MYO9A: variants seen among roughly 807,000 people sequenced by gnomAD.
MYO9A encodes the protein myosin IXA.
In MYO9A, 103 loss-of-function variants were observed where a neutral mutation model predicts 293.3. That is an observed-to-expected ratio of 0.35 (90% CI 0.30 to 0.41). The LOEUF (loss-of-function observed/expected upper bound fraction) is 0.41, where lower values mean the gene tolerates loss of function less well. MYO9A is among the 10% of genes least tolerant of loss of function. The pLI, the probability that MYO9A is intolerant of heterozygous loss-of-function variation, is 1.00. For missense variants in MYO9A, 2,685 were observed against 3,033.0 expected (o/e 0.89, Z 2.69); for synonymous variants, 1,001 against 1,035.7 (o/e 0.97, Z 0.64).
intron 2 of MYO9A, among the ~76,000 whole-genome samples, chr15:72,037,836 A>T (rs2078103307): frequency 6.6e-6 from 1 of 152,162 alleles, no homozygotes. Context: ...GGCATGGGAA[A>T]ATGAAAAATA....
intron 14 of MYO9A, among the ~76,000 whole-genome samples, chr15:71,957,045 T>C (rs1014131567): frequency 1.3e-5 from 2 of 152,248 alleles, no homozygotes; most frequent in African/African-American, 4.8e-5. Context: ...ATTAGAAAGA[T>C]GTTGTAAAGA....
chr15:71,959,919 T>G lies in MYO9A; in HGVS notation c.2164A>C (p.Asn722His). Reference protein sequence around the residue: ...MVAFREAGKRNIHRKTGHDDT... With the variant: ...MVAFREAGKRHIHRKTGHDDT... ...TACTTACCAGTTTTTCTGTGAATGT[T>G]TCTTTTCCCAGCTTCCCTGAAAGCA... Residue 722 changes from asparagine to histidine, a missense_variant, in exon 14 of 42, where the codon AAC becomes CAC. Physicochemically the swap from Asn to His is moderately conservative, Grantham distance 68 (BLOSUM62 1). Transcript: ENST00000356056. 2 of 1,613,820 alleles carry G rather than the reference T, an allele frequency of 1.2e-6. No homozygotes were observed. Among genetic ancestry groups the G allele is most frequent in the South Asian group, 2.2e-5 (2 of 91,066 alleles).
At chr15:71,955,367 G>A (rs2059154332) in intron 14 of MYO9A, among the ~76,000 whole-genome samples, 1 of 152,136 alleles carries the variant, frequency 6.6e-6, no homozygotes, top group Non-Finnish European at 1.5e-5. Flanking sequence ...GACCTCAGGT[G>A]ATCCACCCAC....
chr15:71,868,201 T>C (rs2056400166), intron 32 of MYO9A, among the ~76,000 whole-genome samples: 1 of 152,240 alleles, frequency 6.6e-6, no homozygotes, highest in Non-Finnish European at 1.5e-5. Flanking sequence ...CATGTGGTTG[T>C]TGGACTGAGG....
intron 1 of MYO9A, among the ~76,000 whole-genome samples, chr15:72,095,294 G>A (rs1325515423): frequency 1.1e-5 from 1 of 92,904 alleles, no homozygotes; most frequent in African/African-American, 2.6e-5. Context: ...TACTGATATG[G>A]AGAAAGTTTT....
chr15:72,101,002 C>T (rs1204376360), intron 1 of MYO9A, among the ~76,000 whole-genome samples: 3 of 133,534 alleles, frequency 2.2e-5, no homozygotes, highest in African/African-American at 8.2e-5. Flanking sequence ...CCAGCCGCCC[C>T]GTCCGGGAGG....
intron 19 of MYO9A, 33 bp from the exon 20 acceptor site, chr15:71,905,039 T>C: frequency 2.6e-6 from 4 of 1,526,048 alleles, no homozygotes; most frequent in Non-Finnish European, 2.7e-6. Context: ...TATCATACTC[T>C]TCCATTCCAA....
chr15:71,964,966 A>AG (rs1317282620), intron 13 of MYO9A, among the ~76,000 whole-genome samples: 1 of 152,104 alleles, frequency 6.6e-6, no homozygotes, highest in East Asian at 1.9e-4. Context: ...AAAAAAAAAA[A>AG]AAGTTTAGAT....
At chr15:71,998,113 TTA>T (rs1474162004) in intron 9 of MYO9A, among the ~76,000 whole-genome samples, 1 of 152,188 alleles carries the variant, frequency 6.6e-6, no homozygotes, top group Non-Finnish European at 1.5e-5. Context: ...AATGTGGTAC[TTA>T]TACACCGTGG....
At chr15:72,013,987 T>G (rs1398593973) in intron 6 of MYO9A, among the ~76,000 whole-genome samples, 1 of 152,170 alleles carries the variant, frequency 6.6e-6, no homozygotes, top group Non-Finnish European at 1.5e-5. Context: ...TATATTTTTT[T>G]GGAGGGACAG....
chr15:71,990,631 C>T (rs2148371093), intron 11 of MYO9A, among the ~76,000 whole-genome samples: 1 of 152,034 alleles, frequency 6.6e-6, no homozygotes, highest in African/African-American at 2.4e-5. Flanking sequence ...TGGCGGGCAC[C>T]TGTAGTCCCA....
chr15:72,102,247 C>T (rs1250585781), intron 1 of MYO9A, among the ~76,000 whole-genome samples: 12 of 150,370 alleles, frequency 8.0e-5, no homozygotes, highest in Admixed American at 7.3e-4. Flanking sequence ...GGATTAAGGG[C>T]GGTGCAAGAT....
At chr15:71,987,541 T>A (rs1040880405) in intron 11 of MYO9A, among the ~76,000 whole-genome samples, 3 of 152,126 alleles carry the variant, frequency 2.0e-5, no homozygotes, top group Non-Finnish European at 2.9e-5. Context: ...CCCTGGAAAA[T>A]TTTTGCAGCC....
chr15:71,998,071 TA>T (rs2076750482), intron 9 of MYO9A, among the ~76,000 whole-genome samples: 1 of 152,216 alleles, frequency 6.6e-6, no homozygotes, highest in Non-Finnish European at 1.5e-5. Flanking sequence ...GGAATCAACC[TA>T]AATGCTCATC....
chr15:72,001,258 A>G (rs2076856361), intron 8 of MYO9A, among the ~76,000 whole-genome samples: 1 of 152,204 alleles, frequency 6.6e-6, no homozygotes, highest in Non-Finnish European at 1.5e-5. Flanking sequence ...CAGGTAAAAA[A>G]TATTAGATTA....
intron 8 of MYO9A, among the ~76,000 whole-genome samples, chr15:72,005,362 T>A (rs527837323): frequency 6.6e-6 from 1 of 152,284 alleles, no homozygotes; most frequent in Non-Finnish European, 1.5e-5. Flanking sequence ...TTCTTATCAG[T>A]CTCTTACCAA....
intron 4 of MYO9A, among the ~76,000 whole-genome samples, 200 bp downstream of exon 4, chr15:72,027,531 A>G (rs771979400): frequency 9.2e-5 from 14 of 152,226 alleles, no homozygotes; most frequent in Admixed American, 9.2e-4. Flanking sequence ...ACAGTTTGCA[A>G]TAGTTCTATA....
At chr15:71,859,899 T>C (rs1409643227) in intron 33 of MYO9A, 103 bp from the exon 34 acceptor site, 2 of 904,420 alleles carry the variant, frequency 2.2e-6, no homozygotes, top group Non-Finnish European at 3.4e-6. Flanking sequence ...TTTCTTTAAA[T>C]CTCAGACTGC....
At chr15:71,934,767 A>AT (rs1231631613) in intron 17 of MYO9A, among the ~76,000 whole-genome samples, 6 of 114,776 alleles carry the variant, frequency 5.2e-5, no homozygotes, top group Admixed American at 9.1e-5. Context: ...CACCTGGCTA[A>AT]TTTTTTTTCT....
Sources: gnomAD v4.1 joint callset for allele counts (sites outside exome capture counted in the v4.1 genomes callset) on GRCh38, gnomAD v4.1.1 for gene constraint, MANE v1.5 for transcripts, NCBI Gene and HGNC (gene_info 2026-07-23, HGNC 2026-07-21) for gene names.